The following MVB12B variants were observed in gnomAD, a reference collection of about 807,000 sequenced individuals.
MVB12B encodes the protein multivesicular body subunit 12B.
In MVB12B, 16 loss-of-function variants were observed where a neutral mutation model predicts 41.6. The observed-to-expected ratio is 0.38, with a 90% CI of 0.26 to 0.58. The LOEUF is 0.58. Ranked by LOEUF, MVB12B falls within the 20% of genes least tolerant of loss-of-function variation. The pLI, the probability that MVB12B is intolerant of heterozygous loss-of-function variation, is 0.62. For missense variants in MVB12B, 274 were observed against 380.2 expected (o/e 0.72, Z 2.32); for synonymous variants, 133 against 139.7 (o/e 0.95, Z 0.34).
chr9:126,481,502 G>C, intron 8 of MVB12B, 78 bp downstream of exon 8: 1 of 1,076,148 alleles, frequency 9.3e-7, no homozygotes, highest in Non-Finnish European at 1.4e-6. Context: ...TACACAGCAC[G>C]CAGGGCTGTT....
intron 6 of MVB12B, among the ~76,000 whole-genome samples, chr9:126,406,396 T>TG (rs1233454915): frequency 2.6e-5 from 4 of 152,376 alleles, no homozygotes; most frequent in Non-Finnish European, 4.4e-5. Flanking sequence ...AGACAAGTGT[T>TG]GCCTTTGGCT....
At chr9:126,341,817 G>A (rs915369406) in intron 2 of MVB12B, among the ~76,000 whole-genome samples, 37 of 152,300 alleles carry the variant, frequency 2.4e-4, no homozygotes, top group Non-Finnish European at 4.1e-4. Context: ...CAGGAGCAGG[G>A]GGTGGCTGGG....
chr9:126,472,469 C>CAA (rs35537694), intron 7 of MVB12B, among the ~76,000 whole-genome samples: 20,950 of 134,894 alleles, frequency 0.16, 1,928 homozygotes, highest in East Asian at 0.4. Flanking sequence ...GGTCAGCTGG[C>CAA]AAAAAAAAAA....
intron 9 of MVB12B, among the ~76,000 whole-genome samples, chr9:126,498,036 G>A (rs1055944314): frequency 4.6e-5 from 7 of 152,220 alleles, no homozygotes; most frequent in African/African-American, 7.2e-5. Flanking sequence ...GGACTGCAGC[G>A]CTTCAGGCCT....
chr9:126,414,057 G>A (rs1465165627), intron 6 of MVB12B, among the ~76,000 whole-genome samples: 2 of 152,084 alleles, frequency 1.3e-5, no homozygotes, highest in African/African-American at 2.4e-5. Context: ...ACACAGACCT[G>A]GAATCAGCAC....
chr9:126,415,091 G>A (rs1246382335), intron 6 of MVB12B, among the ~76,000 whole-genome samples: 1 of 152,096 alleles, frequency 6.6e-6, no homozygotes, highest in Non-Finnish European at 1.5e-5. Context: ...CCCTTGGCTG[G>A]GAGCTGCAGA....
intron 6 of MVB12B, among the ~76,000 whole-genome samples, chr9:126,413,281 G>C (rs1831704472): frequency 6.6e-6 from 1 of 152,136 alleles, no homozygotes; most frequent in African/African-American, 2.4e-5. Flanking sequence ...TGCATACTCT[G>C]TGTTCAAGTC....
intron 9 of MVB12B, among the ~76,000 whole-genome samples, chr9:126,500,873 C>T (rs1214578426): frequency 6.6e-6 from 1 of 152,248 alleles, no homozygotes; most frequent in South Asian, 2.1e-4. Flanking sequence ...TTGCTCTCTC[C>T]GGTGATCCCC....
At chr9:126,497,395 A>AC (rs2119234567) in intron 9 of MVB12B, among the ~76,000 whole-genome samples, 1 of 152,106 alleles carries the variant, frequency 6.6e-6, no homozygotes, top group African/African-American at 2.4e-5. Context: ...CCCTCTGCCC[A>AC]CGCCCCGCAG....
intron 1 of MVB12B, among the ~76,000 whole-genome samples, chr9:126,329,794 G>A (rs1829076004): frequency 1.3e-5 from 2 of 152,288 alleles, no homozygotes; most frequent in South Asian, 2.1e-4. Flanking sequence ...AGCACACTGT[G>A]TTGCAGAGCC....
chr9:126,458,780 C>T (rs1159862944), intron 7 of MVB12B, among the ~76,000 whole-genome samples: 1 of 152,166 alleles, frequency 6.6e-6, no homozygotes, highest in Non-Finnish European at 1.5e-5. Flanking sequence ...GAAGTCATTA[C>T]TCAGGGAAGC....
chr9:126,390,870 T>C (rs1830930094), intron 4 of MVB12B, among the ~76,000 whole-genome samples: 1 of 150,384 alleles, frequency 6.6e-6, no homozygotes, highest in African/African-American at 2.5e-5. Context: ...GAGAATCACT[T>C]GAACCCCGGA....
intron 6 of MVB12B, among the ~76,000 whole-genome samples, chr9:126,415,259 G>A (rs1453309821): frequency 6.6e-6 from 1 of 152,186 alleles, no homozygotes; most frequent in East Asian, 1.9e-4. Flanking sequence ...GTATGGGAAA[G>A]AAGCCAAAGA....
At chr9:126,419,655 T>C (rs1588157168) in intron 6 of MVB12B, among the ~76,000 whole-genome samples, 1 of 152,174 alleles carries the variant, frequency 6.6e-6, no homozygotes, top group Non-Finnish European at 1.5e-5. Context: ...ATTGACTAAG[T>C]GCTGTGGTCA....
At chr9:126,492,547 C>T (rs756325229) in intron 9 of MVB12B, among the ~76,000 whole-genome samples, 2 of 152,136 alleles carry the variant, frequency 1.3e-5, no homozygotes, top group African/African-American at 2.4e-5. Context: ...AATTTTTAAT[C>T]TCTGCTTATT....
At position 126,376,479 on chromosome 9, in the gene MVB12B, G is replaced by A; in HGVS notation, c.205-4585G>A. 7.8e-7 allele frequency: 1 copy of A among 1,284,934 alleles called. No homozygotes were observed. The highest frequency in any genetic ancestry group is 1.0e-6 in the Non-Finnish European group (1 of 985,256). 79.6% of individuals were successfully genotyped at this position (1,284,934 alleles called of 1,614,324 possible). ...ACCAGCTCATGGGCTGGAGCCCTGT[G>A]GGTGGGGGGCCTGCTGGCTGGTGTG... On this transcript the variant is annotated intron_variant, in intron 2 of 9. Transcript: ENST00000361171. The surrounding 1 kb of genome is among the most constrained non-coding windows in gnomAD (Gnocchi z 4.1).
chr9:126,400,449 A>T (rs1171569443), intron 6 of MVB12B, among the ~76,000 whole-genome samples: 1 of 152,092 alleles, frequency 6.6e-6, no homozygotes, highest in Non-Finnish European at 1.5e-5. Context: ...CGGCATTTGG[A>T]TCCTTCAGAC....
In MVB12B at chr9:126,392,943, G is replaced by C. The variant is rs964494696; in HGVS notation, c.539+748G>C. Among the ~76,000 whole-genome samples, 1 of 152,208 alleles carries C rather than the reference G, an allele frequency of 6.6e-6. No individual in the cohort carries two copies. Among genetic ancestry groups the C allele is most frequent in the African/African-American group, 2.4e-5 (1 of 41,434 alleles). ...GGACATGGCCTGGAGTTTATTCCAA[G>C]CACGCTAGAAAGTCAGTGGAGGGCT... On this transcript the variant is annotated intron_variant, in intron 5 of 9. Transcript: ENST00000361171. The surrounding 1 kb of genome is among the most constrained non-coding windows in gnomAD (Gnocchi z 4.8).
intron 7 of MVB12B, among the ~76,000 whole-genome samples, chr9:126,467,383 C>T (rs1304211625): frequency 6.6e-6 from 1 of 152,196 alleles, no homozygotes; most frequent in Non-Finnish European, 1.5e-5. Flanking sequence ...TGGTGTGACC[C>T]AGTACTGGTG....
Sources: gnomAD v4.1 joint callset for allele counts (sites outside exome capture counted in the v4.1 genomes callset) on GRCh38, gnomAD v4.1.1 for gene constraint, Gnocchi (gnomAD v3.1) non-coding constraint, MANE v1.5 for transcripts, NCBI Gene and HGNC (gene_info 2026-07-23, HGNC 2026-07-21) for gene names.